Variants in PRKCSH observed in about 807,000 individuals in gnomAD.
The protein encoded by PRKCSH is glucosidase 2 subunit beta.
A neutral mutation model predicts 79.7 loss-of-function variants in PRKCSH; 42 were observed. That is an observed-to-expected ratio of 0.53 (90% confidence interval 0.41 to 0.68). PRKCSH has a LOEUF of 0.68. PRKCSH is among the 30% of genes least tolerant of loss of function. PRKCSH has a pLI of 0.00. For synonymous variants in PRKCSH, 325 were observed against 288.2 expected (o/e 1.13, Z -1.29); for missense variants, 686 against 709.0 (o/e 0.97, Z 0.37).
In PRKCSH at chr19:11,449,538, C is replaced by T. The variant is rs1405741868; in HGVS notation, c.*16+110C>T. ...CTATCAACCTGTGTCCCCATGTTCC[C>T]TGCTTTTTTGTTTTGTTTTTTTGAG... On this transcript the variant is annotated intron_variant, in intron 17 of 17. Coordinates refer to ENST00000677123, the MANE Select transcript of PRKCSH (RefSeq NM_001289104.2). The surrounding 1 kb of genome is among the most constrained non-coding windows in gnomAD (Gnocchi z 6.4). The T allele has an allele frequency of 6.9e-7, 1 of 1,453,824 alleles. No individual in the cohort carries two copies. The highest frequency in any genetic ancestry group is 9.4e-7 in the Non-Finnish European group (1 of 1,058,736). 90.1% of individuals were successfully genotyped at this position (1,453,824 alleles called of 1,614,324 possible).
intron 3 of PRKCSH, among the ~76,000 whole-genome samples, 179 bp from the exon 4 acceptor site, chr19:11,437,697 G>C (rs532392051): frequency 6.6e-6 from 1 of 152,344 alleles, no homozygotes; most frequent in Non-Finnish European, 1.5e-5. Flanking sequence ...GCAGGAGGCG[G>C]CACTGGAGAG....
intron 3 of PRKCSH, among the ~76,000 whole-genome samples, chr19:11,436,939 C>A (rs549104567): frequency 4.6e-5 from 7 of 152,132 alleles, no homozygotes; most frequent in Admixed American, 1.3e-4. Context: ...CTCACTGCAG[C>A]CTGGAACTCT....
chr19:11,436,494 C>T lies in PRKCSH; in HGVS notation c.185C>T (p.Ser62Phe). ...NDDYCDCKDGSDEPGTAACPN... is the reference protein window; with the variant it reads ...NDDYCDCKDGFDEPGTAACPN... ...GACTATTGCGACTGCAAAGATGGCT[C>T]TGACGAGCCAGGTGAGCCTTTTCTC... Residue 62 changes from serine to phenylalanine, a missense_variant, in exon 3 of 18, where the codon TCT (serine) becomes TTT (phenylalanine). Coordinates refer to ENST00000677123, the MANE Select transcript of PRKCSH (RefSeq NM_001289104.2). 1 of 1,612,974 alleles carries T rather than the reference C, an allele frequency of 6.2e-7. No individual in the cohort carries two copies. The highest frequency in any genetic ancestry group is 8.5e-7 in the Non-Finnish European group (1 of 1,179,062).
chr19:11,443,210 C>T (rs897702785), intron 7 of PRKCSH, among the ~76,000 whole-genome samples: 5 of 150,542 alleles, frequency 3.3e-5, no homozygotes, highest in African/African-American at 4.9e-5. Flanking sequence ...GTCAGGAGTT[C>T]GAGACCACCC....
At chr19:11,446,157 G>C in intron 8 of PRKCSH, 115 bp from the exon 9 acceptor site, 1 of 1,157,372 alleles carries the variant, frequency 8.6e-7, no homozygotes, top group South Asian at 1.3e-5. Context: ...TTGAGGTCCT[G>C]AAGCAAGTTC....
intron 6 of PRKCSH, among the ~76,000 whole-genome samples, 175 bp from the exon 7 acceptor site, chr19:11,442,211 G>A (rs576772406): frequency 5.3e-5 from 8 of 152,224 alleles, no homozygotes; most frequent in Non-Finnish European, 8.8e-5. Context: ...ACATTGAGGC[G>A]TTTGGGCTTC....
rs1970351455 is a variant in PRKCSH, at chr19:11,447,238, G to A, written c.849+78G>A. 11 of 1,535,020 alleles carry A rather than the reference G, an allele frequency of 7.2e-6. No homozygotes were observed. Among genetic ancestry groups the A allele is most frequent in the Non-Finnish European group, 9.8e-6 (11 of 1,120,104 alleles). On this transcript the variant is annotated intron_variant, in intron 10 of 17. Coordinates refer to ENST00000677123, the MANE Select transcript of PRKCSH (RefSeq NM_001289104.2). This position sits in a 1 kb window ranked among gnomAD's most constrained non-coding sequence, Gnocchi z 5.6. The stretch of plus-strand genomic sequence containing the variant: ...CCCGCCTCACAAAGGAGCTGCCTCT[G>A]GTTCTGGCACCTGGCCACCCTGGCC...
chr19:11,441,032 C>A, intron 5 of PRKCSH: 1 of 574,342 alleles, frequency 1.7e-6, no homozygotes, highest in Non-Finnish European at 3.3e-6. Context: ...CTTCCCTGAC[C>A]CCAGGGGCTT....
At chr19:11,435,796 G>A (rs757212297) in intron 1 of PRKCSH, 90 bp downstream of exon 1, 7 of 1,417,300 alleles carry the variant, frequency 4.9e-6, no homozygotes, top group Non-Finnish European at 5.6e-6. Flanking sequence ...GGCGGAGGCT[G>A]TTAATCCCTT....
chr19:11,447,611 A>G lies in PRKCSH; in HGVS notation c.1022A>G (p.Gln341Arg), dbSNP rs749562780. The stretch of plus-strand genomic sequence containing the variant: ...GAGGATTCCGAGGTGCAGGGGGAGC[A>G]GCCCAAGGTCCGTGTTTGGGGGAGA... Reference protein sequence around the residue: ...EEEDSEVQGEQPKEAPPPLSP... With the variant: ...EEEDSEVQGERPKEAPPPLSP... Residue 341 changes from glutamine (Q) to arginine (R), a missense_variant, in exon 11 of 18, where the codon CAG becomes CGG. Coordinates refer to ENST00000677123, the MANE Select transcript of PRKCSH (RefSeq NM_001289104.2). The surrounding 1 kb of genome is among the most constrained non-coding windows in gnomAD (Gnocchi z 5.6). 7 of 1,586,862 alleles carry G rather than the reference A, an allele frequency of 4.4e-6. No individual in the cohort carries two copies. The Admixed American group carries it at 9.1e-5, about 21-fold the overall frequency.
chr19:11,441,255 G>GGA lies in PRKCSH; in HGVS notation c.374_375dup (p.Leu127ProfsTer15). On this transcript the variant is annotated frameshift_variant, in exon 6 of 18. Transcript: ENST00000677123. LOFTEE classifies it high-confidence loss of function. Reference sequence around the variant, plus strand: ...CGCACCGCAGAGAGAAGGGCCGTAAGGAGAGAGAGTCCCTGCAGCAGATGG... The same window carrying GGA: ...CGCACCGCAGAGAGAAGGGCCGTAAGGAGAGAGAGAGTCCCTGCAGCAGATGG... 1 of 1,614,062 alleles carries GGA rather than the reference G, an allele frequency of 6.2e-7. No homozygotes were observed. The highest frequency in any genetic ancestry group is 8.5e-7 in the Non-Finnish European group (1 of 1,179,956).
Position 11,447,558 on chromosome 19 carries a change from A to T in PRKCSH, c.969A>T (p.Glu323Asp). 1.3e-6 allele frequency: 2 copies of T among 1,559,380 alleles called. No individual in the cohort carries two copies. Among genetic ancestry groups the T allele is most frequent in the East Asian group, 2.3e-5 (1 of 44,370 alleles). ...AGGAGGAGGAGGAGGAGGAGGAGGA[A>T]GAAGAGGCTGAAGAAGAGGAGGAGG... is the stretch of plus-strand genomic sequence containing the variant. ...EEEEEEEEEE[E>D]EEAEEEEEEE... The change falls in exon 11 of 18, where the codon GAA (glutamate) becomes GAT (aspartate). Residue 323 changes from glutamate to aspartate, a missense_variant. Transcript: ENST00000677123. This position sits in a 1 kb window ranked among gnomAD's most constrained non-coding sequence, Gnocchi z 5.6.
rs752157780 is a variant in PRKCSH, at chr19:11,447,524, CAGAGGAGGAGGA to C, written c.936_947del (p.Glu322_Glu325del). 4.0e-5 allele frequency: 64 copies of C among 1,593,200 alleles called. No individual in the cohort carries two copies. The highest frequency in any genetic ancestry group is 5.2e-5 in the Non-Finnish European group (61 of 1,172,436). On this transcript the variant is annotated inframe_deletion, in exon 11 of 18. Transcript: ENST00000677123. The surrounding 1 kb of genome is among the most constrained non-coding windows in gnomAD (Gnocchi z 5.6). ...CAGCCGCCAGTGCCCTCGTCGCCCA[CAGAGGAGGAGGA>C]GGAGGAGGAGGAGGAGGAGGAAGAA...
intron 6 of PRKCSH, 75 bp from the exon 7 acceptor site, chr19:11,442,311 G>C (rs541491042): frequency 6.6e-7 from 1 of 1,521,402 alleles, no homozygotes; most frequent in African/African-American, 1.4e-5. Flanking sequence ...CTGTGGAGTA[G>C]AGGCAGGGAG....
At chr19:11,443,539 C>T (rs758008218) in intron 7 of PRKCSH, among the ~76,000 whole-genome samples, 84 of 145,516 alleles carry the variant, frequency 5.8e-4, no homozygotes, top group Admixed American at 8.9e-4. Flanking sequence ...AGTGAGACTC[C>T]GTCTCAAAAA....
chr19:11,449,690 G>T lies in PRKCSH; in HGVS notation c.*16+262G>T. On this transcript the variant is annotated intron_variant, in intron 17 of 17. Coordinates refer to ENST00000677123, the MANE Select transcript of PRKCSH (RefSeq NM_001289104.2). The surrounding 1 kb of genome is among the most constrained non-coding windows in gnomAD (Gnocchi z 6.4). ...CCCAAGTAGCTGGGATTACAGGTGT[G>T]CACCACCATGCCTGGCTAATTTTTA... 1 of 497,662 alleles carries T rather than the reference G, an allele frequency of 2.0e-6. No homozygotes were observed. The highest frequency in any genetic ancestry group is 3.7e-6 in the Non-Finnish European group (1 of 273,650). The allele number at this position is 497,662 out of a possible 1,614,324, so 30.8% of individuals were successfully genotyped here. A position where few individuals can be genotyped will look rare whatever the true frequency, so the allele number is the denominator to read the frequency against.
rs1394353936 is a variant in PRKCSH, at chr19:11,448,379, C to G, written c.1196+88C>G. 6.6e-7 allele frequency: 1 copy of G among 1,508,456 alleles called. No individual in the cohort carries two copies. Among genetic ancestry groups the G allele is most frequent in the Admixed American group, 1.9e-5 (1 of 51,302 alleles). 93.4% of individuals were successfully genotyped at this position (1,508,456 alleles called of 1,614,324 possible). ...AGCTGGTGATGGGGAATCACTGAGGCAACCACAGGCTGGGCCTGGTCCCTG... is the reference window on the plus strand; with the variant it reads ...AGCTGGTGATGGGGAATCACTGAGGGAACCACAGGCTGGGCCTGGTCCCTG... On this transcript the variant is annotated intron_variant, in intron 13 of 17. Coordinates refer to ENST00000677123, the MANE Select transcript of PRKCSH (RefSeq NM_001289104.2). The surrounding 1 kb of genome is among the most constrained non-coding windows in gnomAD (Gnocchi z 4.4).
chr19:11,436,633 C>T (rs1969761457), intron 3 of PRKCSH, 128 bp downstream of exon 3: 3 of 829,500 alleles, frequency 3.6e-6, no homozygotes, highest in African/African-American at 3.4e-5. Context: ...GCTCAGAAGT[C>T]AGTGGTCAGT....
At chr19:11,444,206 G>T (rs532640912) in intron 7 of PRKCSH, among the ~76,000 whole-genome samples, 1 of 152,200 alleles carries the variant, frequency 6.6e-6, no homozygotes, top group Non-Finnish European at 1.5e-5. Flanking sequence ...AATCTTTGTC[G>T]TGTTGCAAGC....
Sources: allele counts gnomAD v4.1 joint callset (sites outside exome capture counted in the v4.1 genomes callset), GRCh38; gene constraint gnomAD v4.1.1; non-coding constraint Gnocchi (gnomAD v3.1); transcripts MANE v1.5; gene names NCBI Gene and HGNC (gene_info 2026-07-23, HGNC 2026-07-21).